Variants in MTUS2 observed in about 807,000 individuals in gnomAD.
The protein encoded by MTUS2 is microtubule-associated tumor suppressor candidate 2.
Under a neutral mutation model 114.1 loss-of-function variants are expected in MTUS2, and 40 were observed. The observed-to-expected ratio is 0.35, with a 90% CI of 0.27 to 0.46. MTUS2 has a LOEUF of 0.46. MTUS2 is among the 20% of genes least tolerant of loss of function. The pLI, the probability that MTUS2 is intolerant of heterozygous loss-of-function variation, is 1.00. For missense variants in MTUS2, 1,679 were observed against 1,705.4 expected (o/e 0.98, Z 0.27); for synonymous variants, 688 against 672.0 (o/e 1.02, Z -0.37).
chr13:29,279,377 A>C (rs1384595644), intron 5 of MTUS2, among the ~76,000 whole-genome samples: 1 of 152,190 alleles, frequency 6.6e-6, no homozygotes, highest in Non-Finnish European at 1.5e-5. Context: ...TGAATTAGCC[A>C]TGTGAACCAT....
chr13:29,274,316 T>C (rs1398115986), intron 5 of MTUS2, among the ~76,000 whole-genome samples: 1 of 152,134 alleles, frequency 6.6e-6, no homozygotes, highest in African/African-American at 2.4e-5. Context: ...TTCACCGTGT[T>C]AGTCAGGATG....
chr13:29,003,075 T>G (rs1231433281), intron 2 of MTUS2, among the ~76,000 whole-genome samples: 1 of 152,238 alleles, frequency 6.6e-6, no homozygotes, highest in Non-Finnish European at 1.5e-5. Context: ...AGCAACACAC[T>G]GAGAGTTCAC....
chr13:29,263,549 C>T (rs951510195), intron 5 of MTUS2, among the ~76,000 whole-genome samples: 1 of 152,130 alleles, frequency 6.6e-6, no homozygotes, highest in East Asian at 1.9e-4. Context: ...GTTCTGCAGG[C>T]TTTACAGGAA....
intron 5 of MTUS2, among the ~76,000 whole-genome samples, chr13:29,162,983 T>G (rs779725559): frequency 7.1e-6 from 1 of 140,728 alleles, no homozygotes; most frequent in Non-Finnish European, 1.5e-5. Flanking sequence ...CTCTAAAAGT[T>G]AGATCTTGTT....
At chr13:29,491,424 ATG>A (rs906488677) in intron 11 of MTUS2, among the ~76,000 whole-genome samples, 5 of 121,906 alleles carry the variant, frequency 4.1e-5, no homozygotes, top group African/African-American at 1.3e-4. Flanking sequence ...GTGTGGAGGA[ATG>A]TGTGTGGTGT....
chr13:29,197,497 T>G (rs1309285093), intron 5 of MTUS2, among the ~76,000 whole-genome samples: 2 of 152,220 alleles, frequency 1.3e-5, no homozygotes, highest in Admixed American at 6.5e-5. Flanking sequence ...GTTCCAAGTC[T>G]TTGCTATTGT....
intron 3 of MTUS2, among the ~76,000 whole-genome samples, chr13:29,027,483 CTT>C (rs1462387783): frequency 2.0e-5 from 3 of 152,216 alleles, no homozygotes; most frequent in East Asian, 3.8e-4. Flanking sequence ...CTTTGTTAAT[CTT>C]CACTAATCCT....
chr13:29,168,329 CCTAA>C (rs1310827228), intron 5 of MTUS2, among the ~76,000 whole-genome samples: 2 of 152,026 alleles, frequency 1.3e-5, no homozygotes, highest in South Asian at 2.1e-4. Flanking sequence ...TTCCATAGCC[CCTAA>C]CTATTTATTA....
At chr13:29,130,037 C>T (rs1406910793) in intron 5 of MTUS2, among the ~76,000 whole-genome samples, 2 of 151,908 alleles carry the variant, frequency 1.3e-5, no homozygotes, top group African/African-American at 4.8e-5. Context: ...GCTTTATAGC[C>T]AAGAGCTTTG....
chr13:29,064,402 T>G (rs1014049332), intron 4 of MTUS2, among the ~76,000 whole-genome samples: 7 of 149,580 alleles, frequency 4.7e-5, no homozygotes, highest in Non-Finnish European at 7.4e-5. Context: ...TTTTTTTTTT[T>G]TTTTTTTTTT....
At chr13:29,039,393 G>C (rs940500155) in intron 4 of MTUS2, among the ~76,000 whole-genome samples, 19 of 152,230 alleles carry the variant, frequency 1.2e-4, no homozygotes, top group African/African-American at 4.3e-4. Context: ...AGCATCGCGC[G>C]CCGGGCACCC....
chr13:28,929,894 A>G (rs767272295), intron 2 of MTUS2, among the ~76,000 whole-genome samples: 12 of 152,132 alleles, frequency 7.9e-5, no homozygotes, highest in Admixed American at 1.3e-4. Flanking sequence ...CAGTCTGGCA[A>G]GTGTTTTAAG....
chr13:29,111,771 T>G (rs536803057), intron 5 of MTUS2, among the ~76,000 whole-genome samples: 1 of 149,792 alleles, frequency 6.7e-6, no homozygotes, highest in African/African-American at 2.4e-5. Context: ...ATTGATATAT[T>G]TTTTTTTTTG....
At chr13:29,233,648 T>A (rs1212333786) in intron 5 of MTUS2, among the ~76,000 whole-genome samples, 1 of 152,216 alleles carries the variant, frequency 6.6e-6, no homozygotes, top group African/African-American at 2.4e-5. Flanking sequence ...CATTTTGTAT[T>A]TGTGGTGATC....
At chr13:29,211,821 G>T (rs527276393) in intron 5 of MTUS2, among the ~76,000 whole-genome samples, 43 of 151,358 alleles carry the variant, frequency 2.8e-4, no homozygotes, top group African/African-American at 9.7e-4. Context: ...GCAGCAACAA[G>T]CCACCTCTTT....
At chr13:29,464,678 A>G (rs993153825) in intron 9 of MTUS2, among the ~76,000 whole-genome samples, 5 of 152,160 alleles carry the variant, frequency 3.3e-5, no homozygotes, top group African/African-American at 1.2e-4. Context: ...ATTCCACCCC[A>G]GCTAATTCAC....
At chr13:29,309,782 T>C (rs1275763486) in intron 6 of MTUS2, among the ~76,000 whole-genome samples, 7 of 152,156 alleles carry the variant, frequency 4.6e-5, no homozygotes, top group Non-Finnish European at 1.0e-4. Flanking sequence ...TTTTTAATTT[T>C]TGTGTGTACA....
chr13:29,379,434 T>C (rs1261266478), intron 8 of MTUS2, among the ~76,000 whole-genome samples: 3 of 152,242 alleles, frequency 2.0e-5, no homozygotes, highest in Non-Finnish European at 1.5e-5. Context: ...ACAGGGGACC[T>C]ACATGGACCT....
chr13:29,119,475 T>A (rs1216882472), intron 5 of MTUS2, among the ~76,000 whole-genome samples: 2 of 152,222 alleles, frequency 1.3e-5, no homozygotes, highest in Non-Finnish European at 2.9e-5. Flanking sequence ...TGTGATATTT[T>A]GAAAATACCT....
Sources: allele counts gnomAD v4.1 joint callset (sites outside exome capture counted in the v4.1 genomes callset), GRCh38; gene constraint gnomAD v4.1.1; transcripts MANE v1.5; gene names NCBI Gene and HGNC (gene_info 2026-07-23, HGNC 2026-07-21).